Variants in SNX31 observed in about 807,000 individuals in gnomAD.
SNX31 encodes the protein sorting nexin-31.
SNX31 carries 58 observed loss-of-function variants against 65.4 expected under a neutral mutation model. The observed-to-expected ratio is 0.89, with a 90% CI of 0.72 to 1.10. The LOEUF (loss-of-function observed/expected upper bound fraction) is 1.10, where lower values mean the gene tolerates loss of function less well. Among genes scored for constraint, SNX31 ranks in the 50% least tolerant of loss-of-function variants. SNX31 has a pLI of 0.00. For synonymous variants in SNX31, 181 were observed against 190.1 expected, an observed-to-expected ratio of 0.95 and a Z score of 0.39; for missense variants, 523 against 529.7, an observed-to-expected ratio of 0.99 and a Z score of 0.12.
At chr8:100,606,528 T>C (rs893928206) in intron 8 of SNX31, among the ~76,000 whole-genome samples, 2 of 152,210 alleles carry the variant, frequency 1.3e-5, no homozygotes, top group African/African-American at 4.8e-5. Context: ...TTTCTTTCCC[T>C]CTTCTACGCC....
intron 2 of SNX31, among the ~76,000 whole-genome samples, chr8:100,640,641 T>A (rs1296818026): frequency 6.6e-6 from 1 of 152,220 alleles, no homozygotes; most frequent in Non-Finnish European, 1.5e-5. Context: ...TAGGTACTCT[T>A]GATACGATGT....
rs1219903046 is a variant in SNX31 at position 100,574,078 on chromosome 8, T to C, written c.1228-118A>G. On this transcript the variant is annotated intron_variant, in intron 13 of 13. Coordinates refer to ENST00000311812, the MANE Select transcript of SNX31 (RefSeq NM_152628.4). Reference sequence around the variant, plus strand: ...GGGCAACAGAAAGCTTACATTTGTATAAGCAATGGTTATTTTAAACAGTTT... The same window carrying C: ...GGGCAACAGAAAGCTTACATTTGTACAAGCAATGGTTATTTTAAACAGTTT... 17 of 555,042 alleles carry C rather than the reference T, an allele frequency of 3.1e-5. No homozygotes were observed. The East Asian group carries it at 4.4e-4, about 14-fold the overall frequency. The allele number at this position is 555,042 out of a possible 1,614,324, so 34.4% of individuals were successfully genotyped here. A position where few individuals can be genotyped will look rare whatever the true frequency, so the allele number is the denominator to read the frequency against.
In SNX31 at chr8:100,575,107, CT is replaced by C. The variant is rs1053951885; in HGVS notation, c.1228-1148del. ...CCCTCAGTGGGCAGATGGGCTACAA[CT>C]TTTTTTCTACGAGGGATTTGTTTTG... On this transcript the variant is annotated intron_variant, in intron 13 of 13. Coordinates refer to ENST00000311812, the MANE Select transcript of SNX31 (RefSeq NM_152628.4). This position sits in a 1 kb window ranked among gnomAD's most constrained non-coding sequence, Gnocchi z 5.1. 1.3e-5 allele frequency among the ~76,000 whole-genome samples: 2 copies of C among 152,068 alleles called. No homozygotes were observed. Among genetic ancestry groups the C allele is most frequent in the Middle Eastern group, 3.2e-3 (1 of 316 alleles).
chr8:100,611,912 G>T, intron 7 of SNX31, 88 bp downstream of exon 7: 1 of 1,004,718 alleles, frequency 1.0e-6, no homozygotes, highest in South Asian at 1.4e-5. Flanking sequence ...GTCAGGCTAT[G>T]AGCAGGATGT....
rs1261425104 is a variant in SNX31, at chr8:100,594,730, A to G, written c.978+1909T>C. ...AATGATGTAGCCATTCTCAAAAACAATTCGGCAGTTTCTTTAAAAAGTAAA... is the reference window on the plus strand; with the variant it reads ...AATGATGTAGCCATTCTCAAAAACAGTTCGGCAGTTTCTTTAAAAAGTAAA... On this transcript the variant is annotated intron_variant, in intron 10 of 13. Coordinates refer to ENST00000311812, the MANE Select transcript of SNX31 (RefSeq NM_152628.4). This position sits in a 1 kb window ranked among gnomAD's most constrained non-coding sequence, Gnocchi z 4.0. Among the ~76,000 whole-genome samples the G allele has an allele frequency of 6.6e-6, 1 of 152,216 alleles. No individual in the cohort carries two copies. Among genetic ancestry groups the G allele is most frequent in the Non-Finnish European group, 1.5e-5 (1 of 68,046 alleles).
rs1816631078 is a variant in SNX31 at position 100,610,658 on chromosome 8, C to T, written c.611+1342G>A. Among the ~76,000 whole-genome samples, 2 of 152,174 alleles carry T rather than the reference C, an allele frequency of 1.3e-5. No homozygotes were observed. Among genetic ancestry groups the T allele is most frequent in the African/African-American group, 4.8e-5 (2 of 41,442 alleles). On this transcript the variant is annotated intron_variant, in intron 7 of 13. Transcript: ENST00000311812. The surrounding 1 kb of genome is among the most constrained non-coding windows in gnomAD (Gnocchi z 4.0). ...GCCATTCACTACAGCAAGCAGCTTC[C>T]AGAACAGCTGTTCTCTAAACCATTG...
chr8:100,608,427 G>T, intron 8 of SNX31, 67 bp downstream of exon 8: 2 of 1,458,260 alleles, frequency 1.4e-6, no homozygotes, highest in Non-Finnish European at 1.9e-6. Flanking sequence ...CACATAATTT[G>T]TTTAGTGGCT....
chr8:100,628,990 A>G (rs937419776), intron 4 of SNX31, among the ~76,000 whole-genome samples: 63 of 152,162 alleles, frequency 4.1e-4, no homozygotes, highest in South Asian at 4.1e-4. Flanking sequence ...AATTGTCTAC[A>G]GTATGCAGTA....
chr8:100,617,567 A>T (rs1817325012), intron 5 of SNX31, 53 bp downstream of exon 5: 1 of 1,303,862 alleles, frequency 7.7e-7, no homozygotes. Context: ...CTGCTTTCCA[A>T]ACAGAACCAT....
intron 12 of SNX31, among the ~76,000 whole-genome samples, chr8:100,579,743 A>G (rs1206489620): frequency 1.3e-5 from 2 of 152,234 alleles, no homozygotes; most frequent in Non-Finnish European, 2.9e-5. Flanking sequence ...GTGTAAGGTA[A>G]TCAGGAATCA....
At chr8:100,655,885 C>G (rs76981923) in intron 1 of SNX31, among the ~76,000 whole-genome samples, 7,263 of 152,194 alleles carry the variant, frequency 0.048, 237 homozygotes, top group Non-Finnish European at 0.066. Context: ...GGCCAGTGTG[C>G]AGGGAATGAG....
rs563350575 is a variant in SNX31, at chr8:100,610,107, C to A, written c.612-1544G>T. Among the ~76,000 whole-genome samples the A allele has an allele frequency of 6.6e-6, 1 of 152,336 alleles. No individual in the cohort carries two copies. The highest frequency in any genetic ancestry group is 1.9e-4 in the East Asian group (1 of 5,182). On this transcript the variant is annotated intron_variant, in intron 7 of 13. Transcript: ENST00000311812. This position sits in a 1 kb window ranked among gnomAD's most constrained non-coding sequence, Gnocchi z 4.0. ...CCAGAGACCTGATCCTCAGCTCTGACAATAGAAGTGGAACCTCCTTTCTTC... is the reference window on the plus strand; with the variant it reads ...CCAGAGACCTGATCCTCAGCTCTGAAAATAGAAGTGGAACCTCCTTTCTTC...
Position 100,641,561 on chromosome 8 carries a change from A to T in SNX31, c.142-5550T>A, listed in dbSNP as rs1340063144. Among the ~76,000 whole-genome samples, 3 of 28,684 alleles carry T rather than the reference A, an allele frequency of 1.0e-4. 1 individual carries two copies. The highest frequency in any genetic ancestry group is 2.5e-3 in the South Asian group (2 of 790). The allele number at this position is 28,684 out of a possible 152,430, so 18.8% of individuals were successfully genotyped here. On this transcript the variant is annotated intron_variant, in intron 2 of 13. Coordinates refer to ENST00000311812, the MANE Select transcript of SNX31 (RefSeq NM_152628.4). ...ACCTTGTCTCAAAAAAAAAAAAAAAAAAAAATATATATATATATATATATA... is the reference window on the plus strand; with the variant it reads ...ACCTTGTCTCAAAAAAAAAAAAAAATAAAAATATATATATATATATATATA...
In SNX31 at chr8:100,655,939, T is replaced by A. The variant is rs570698595; in HGVS notation, c.-58+7203A>T. Among the ~76,000 whole-genome samples, 6 of 152,154 alleles carry A rather than the reference T, an allele frequency of 3.9e-5. No homozygotes were observed. In the South Asian group the frequency reaches 8.3e-4, roughly 21 times the overall value. ...AGAGGCAGTCAGACCAGCAAGGAAG[T>A]TTTTTGAGAGAAAAGATGGTAGAAC... On this transcript the variant is annotated intron_variant, in intron 1 of 5. Transcript: ENST00000520352.
At position 100,614,638 on chromosome 8, in the gene SNX31, G is replaced by C. The variant is rs1432505407; in HGVS notation, c.433-1553C>G. 6.6e-6 allele frequency among the ~76,000 whole-genome samples: 1 copy of C among 152,164 alleles called. No individual in the cohort carries two copies. Among genetic ancestry groups the C allele is most frequent in the Non-Finnish European group, 1.5e-5 (1 of 68,034 alleles). On this transcript the variant is annotated intron_variant, in intron 5 of 13. Coordinates refer to ENST00000311812, the MANE Select transcript of SNX31 (RefSeq NM_152628.4). The surrounding 1 kb of genome is among the most constrained non-coding windows in gnomAD (Gnocchi z 5.1). ...GCCTGTAATCCCAGCACTTTGGAAGGCTGAGGCGGGTTGATCACCTAAGGT... is the reference window on the plus strand; with the variant it reads ...GCCTGTAATCCCAGCACTTTGGAAGCCTGAGGCGGGTTGATCACCTAAGGT...
intron 13 of SNX31, among the ~76,000 whole-genome samples, chr8:100,574,575 G>T (rs1263412493): frequency 6.7e-6 from 1 of 150,290 alleles, no homozygotes; most frequent in Non-Finnish European, 1.5e-5. Flanking sequence ...AGAGGTTTCA[G>T]TGAGCCAAGA....
intron 13 of SNX31, among the ~76,000 whole-genome samples, chr8:100,574,791 G>A (rs1032399199): frequency 4.6e-5 from 7 of 152,032 alleles, no homozygotes; most frequent in Non-Finnish European, 7.4e-5. Context: ...AAAACTAGCC[G>A]GATGTGGTGG....
chr8:100,604,346 G>T lies in SNX31; in HGVS notation c.682-3905C>A, dbSNP rs750327361. Among the ~76,000 whole-genome samples the T allele has an allele frequency of 6.6e-6, 1 of 152,200 alleles. No homozygotes were observed. The highest frequency in any genetic ancestry group is 6.5e-5 in the Admixed American group (1 of 15,288). On this transcript the variant is annotated intron_variant, in intron 8 of 13. Transcript: ENST00000311812. The surrounding 1 kb of genome is among the most constrained non-coding windows in gnomAD (Gnocchi z 4.3). Reference sequence around the variant, plus strand: ...GTCTTCCTGACCTTCAGTCTCACACGCTCTAGTGTCCTCTGCAGAGGGCAC... The same window carrying T: ...GTCTTCCTGACCTTCAGTCTCACACTCTCTAGTGTCCTCTGCAGAGGGCAC...
chr8:100,608,473 T>C, intron 8 of SNX31, 21 bp downstream of exon 8: 1 of 1,612,540 alleles, frequency 6.2e-7, no homozygotes, highest in Non-Finnish European at 8.5e-7. Flanking sequence ...CGGTGCTGTC[T>C]GAGCTCTTGG....
Sources: gnomAD v4.1 joint callset for allele counts (sites outside exome capture counted in the v4.1 genomes callset) on GRCh38, gnomAD v4.1.1 for gene constraint, Gnocchi (gnomAD v3.1) non-coding constraint, MANE v1.5 for transcripts, NCBI Gene and HGNC (gene_info 2026-07-23, HGNC 2026-07-21) for gene names.